Variants in ZDHHC16 observed in about 807,000 individuals in gnomAD.
ZDHHC16 encodes zDHHC palmitoyltransferase 16, also known as palmitoyltransferase ZDHHC16.
ZDHHC16 carries 33 observed loss-of-function variants against 54.4 expected under a neutral mutation model. The ratio of observed to expected loss-of-function variants is 0.61; its 90% CI spans 0.46 to 0.81. ZDHHC16 has a LOEUF of 0.81. ZDHHC16 is among the 30% of genes least tolerant of loss of function. The probability of loss-of-function intolerance (pLI) is 0.00; values close to 1 mark genes in which losing one functional copy is unlikely to be tolerated. For synonymous variants in ZDHHC16, 185 were observed against 182.1 expected (o/e 1.02, Z -0.13); for missense variants, 420 against 485.9 (o/e 0.86, Z 1.28).
intron 1 of ZDHHC16, among the ~76,000 whole-genome samples, chr10:97,447,331 A>G (rs1035572348): frequency 1.3e-5 from 2 of 152,096 alleles, no homozygotes; most frequent in African/African-American, 4.8e-5. Flanking sequence ...AGTTCACCTG[A>G]CTTCTGATGG....
In ZDHHC16 at chr10:97,451,507, C is replaced by G. The variant is rs187968078; in HGVS notation, c.-5-164C>G. ...GTTGGAACATTGGCACTGGTCAGTCCGTAGAAAAGTGAAGTAACCTTCCTA... is the reference window on the plus strand; with the variant it reads ...GTTGGAACATTGGCACTGGTCAGTCGGTAGAAAAGTGAAGTAACCTTCCTA... On this transcript the variant is annotated intron_variant, in intron 2 of 11. Transcript: ENST00000393760. Among the ~76,000 whole-genome samples the G allele has an allele frequency of 9.0e-4, 137 of 152,328 alleles. 1 individual carries two copies. Among genetic ancestry groups the G allele is most frequent in the African/African-American group, 3.2e-3 (133 of 41,572 alleles).
intron 8 of ZDHHC16, 73 bp from the exon 9 acceptor site, chr10:97,454,641 C>A: frequency 2.3e-6 from 3 of 1,328,736 alleles, no homozygotes; most frequent in South Asian, 1.2e-5. Context: ...TCATTTCCTG[C>A]CTATAGGTGC....
At chr10:97,448,767 C>CA (rs1248748931) in intron 1 of ZDHHC16, among the ~76,000 whole-genome samples, 1 of 151,690 alleles carries the variant, frequency 6.6e-6, no homozygotes, top group African/African-American at 2.4e-5. Context: ...CAAAAACAAA[C>CA]AAAAAAAGTG....
chr10:97,452,960 T>G, intron 6 of ZDHHC16, 37 bp downstream of exon 6: 1 of 1,614,120 alleles, frequency 6.2e-7, no homozygotes, highest in Non-Finnish European at 8.5e-7. Flanking sequence ...GAGGCCTTCT[T>G]TAGCTCCAGA....
chr10:97,456,936 A>C lies in ZDHHC16; in HGVS notation c.*45A>C, dbSNP rs1391166449. On this transcript the variant is annotated 3_prime_UTR_variant, in exon 12 of 12. Coordinates refer to ENST00000393760, the MANE Select transcript of ZDHHC16 (RefSeq NM_198046.3). ...GACTCGAGCACTCATTCTGCTCCCT[A>C]TGTTATTTCAAGGGCCTCCAAGGGC... The C allele has an allele frequency of 6.8e-7, 1 of 1,462,592 alleles. No individual in the cohort carries two copies. The highest frequency in any genetic ancestry group is 1.4e-5 in the African/African-American group (1 of 71,408). 90.6% of individuals were successfully genotyped at this position (1,462,592 alleles called of 1,614,324 possible).
intron 6 of ZDHHC16, 94 bp downstream of exon 6, chr10:97,453,017 G>C (rs769471192): frequency 8.5e-6 from 13 of 1,529,318 alleles, no homozygotes; most frequent in Non-Finnish European, 1.2e-5. Context: ...ACCGTGCAGA[G>C]AACACTGGAG....
chr10:97,452,061 T>C (rs368780016), intron 3 of ZDHHC16, 29 bp from the exon 4 acceptor site: 297 of 1,613,374 alleles, frequency 1.8e-4, no homozygotes, highest in Non-Finnish European at 2.3e-4. Context: ...TCTTGCGCCA[T>C]GTCTCCCTGA....
intron 11 of ZDHHC16, 76 bp downstream of exon 11, chr10:97,456,120 T>C (rs1847160836): frequency 1.4e-6 from 2 of 1,462,692 alleles, no homozygotes; most frequent in Admixed American, 3.4e-5. Context: ...CTGTGAGCAC[T>C]TGGAATATGG....
intron 1 of ZDHHC16, among the ~76,000 whole-genome samples, chr10:97,450,102 A>AC (rs1401270957): frequency 6.8e-6 from 1 of 147,658 alleles, no homozygotes; most frequent in African/African-American, 2.5e-5. Context: ...CGATCTCCTG[A>AC]CCTCATGATC....
chr10:97,453,953 G>C, intron 8 of ZDHHC16, 107 bp downstream of exon 8: 1 of 1,466,994 alleles, frequency 6.8e-7, no homozygotes, highest in South Asian at 1.2e-5. Flanking sequence ...GCTGCCGAGA[G>C]GCCACTCTAG....
chr10:97,454,704 C>CT lies in ZDHHC16; in HGVS notation c.739-5dup. The CT allele has an allele frequency of 6.2e-7, 1 of 1,613,992 alleles. No homozygotes were observed. The highest frequency in any genetic ancestry group is 8.5e-7 in the Non-Finnish European group (1 of 1,179,908). ...GCAAATGAGCCAGCTTTGCTGTTTT[C>CT]TTTTTCTAGACTTATCACCAGACCC... is the stretch of plus-strand genomic sequence containing the variant. On this transcript the variant is annotated splice_polypyrimidine_tract_variant and intron_variant, in intron 8 of 11. Transcript: ENST00000393760.
Position 97,453,549 on chromosome 10 carries a change from G to A in ZDHHC16, c.576G>A (p.Val192=), listed in dbSNP as rs765959297. The A allele has an allele frequency of 1.2e-6, 2 of 1,614,104 alleles. No individual in the cohort carries two copies. The highest frequency in any genetic ancestry group is 2.2e-5 in the South Asian group (2 of 91,080). ...AACCAGCCTGGCTAAACAATTGTGTGGGCCACTATAACCATCGGTACTTCT... is the reference window on the plus strand; with the variant it reads ...AACCAGCCTGGCTAAACAATTGTGTAGGCCACTATAACCATCGGTACTTCT... ...DHHCPWLNNC[V]GHYNHRYFFS... The change falls in exon 7 of 12, where the codon GTG becomes GTA. Residue 192 remains valine, a synonymous_variant. Transcript: ENST00000393760.
Position 97,453,570 on chromosome 10 carries a change from C to T in ZDHHC16, c.597C>T (p.Tyr199=). 6.2e-7 allele frequency: 1 copy of T among 1,614,158 alleles called. No homozygotes were observed. The highest frequency in any genetic ancestry group is 2.2e-5 in the East Asian group (1 of 44,886). The change falls in exon 7 of 12, where the codon TAC becomes TAT. Residue 199 remains tyrosine, a synonymous_variant. Coordinates refer to ENST00000393760, the MANE Select transcript of ZDHHC16 (RefSeq NM_198046.3). ...GTGTGGGCCACTATAACCATCGGTA[C>T]TTCTTCTCTTTCTGCTTTTTCATGA... The part of the protein sequence containing the change: ...NNCVGHYNHR[Y]FFSFCFFMTL...
In ZDHHC16 at chr10:97,455,834, C is replaced by G. The variant is rs1847123997; in HGVS notation, c.948+51C>G. 1.9e-6 allele frequency: 3 copies of G among 1,604,592 alleles called. No individual in the cohort carries two copies. In the African/African-American group the frequency reaches 4.0e-5, roughly 21 times the overall value. ...GGGTAGGTGGGTAACTGAACTTGCT[C>G]TCCTGTAAACAGAGGCCATGGGCAG... On this transcript the variant is annotated intron_variant, in intron 10 of 11. Coordinates refer to ENST00000393760, the MANE Select transcript of ZDHHC16 (RefSeq NM_198046.3).
chr10:97,447,340 G>A (rs1813222736), intron 1 of ZDHHC16, among the ~76,000 whole-genome samples: 1 of 152,160 alleles, frequency 6.6e-6, no homozygotes, highest in African/African-American at 2.4e-5. Flanking sequence ...GACTTCTGAT[G>A]GCTTTGCCGT....
At position 97,452,149 on chromosome 10, in the gene ZDHHC16, T is replaced by C. The variant is rs1846698920; in HGVS notation, c.303T>C (p.Cys101=). 6.2e-7 allele frequency: 1 copy of C among 1,614,142 alleles called. No individual in the cohort carries two copies. Among genetic ancestry groups the C allele is most frequent in the Non-Finnish European group, 8.5e-7 (1 of 1,180,042 alleles). Residue 101 remains cysteine (C), a synonymous_variant, in exon 4 of 12, where the codon TGT becomes TGC. Coordinates refer to ENST00000393760, the MANE Select transcript of ZDHHC16 (RefSeq NM_198046.3). ...CCATTGTAGCTATCGCCTACCTGTG[T>C]GTCCTGCCTCTCATCCTCCGAACCT... ...TGSIVAIAYL[C]VLPLILRTYS... is the part of the protein sequence containing the mutation.
In ZDHHC16 at chr10:97,456,872, C is replaced by T. The variant is rs1847322101; in HGVS notation, c.1115C>T (p.Ala372Val). 1.9e-6 allele frequency: 3 copies of T among 1,612,044 alleles called. No homozygotes were observed. Among genetic ancestry groups the T allele is most frequent in the African/African-American group, 1.3e-5 (1 of 74,872 alleles). The change falls in exon 12 of 12, where the codon GCC (alanine) becomes GTC (valine). Residue 372 changes from alanine to valine, a missense_variant. Transcript: ENST00000393760. ...EPPPWVTAHS[A>V]SVMAV ...CCTCCCTGGGTGACTGCTCACTCAG[C>T]CTCTGTGATGGCAGTGTGAGCTGGA...
intron 1 of ZDHHC16, among the ~76,000 whole-genome samples, chr10:97,448,748 A>T (rs1564798008): frequency 6.6e-6 from 1 of 152,212 alleles, no homozygotes; most frequent in Non-Finnish European, 1.5e-5. Context: ...ACAGAGCGAG[A>T]CTTCATCTCA....
intron 1 of ZDHHC16, among the ~76,000 whole-genome samples, chr10:97,449,882 T>TTTTTTTTTTTTTTTTTTTTTTTA: frequency 7.1e-6 from 1 of 140,864 alleles, no homozygotes; most frequent in African/African-American, 2.8e-5. Flanking sequence ...TTTTTTTTTT[T>TTTTTTTTTTTTTTTTTTTTTTTA]GAGACGGAGT....
Sources: gnomAD v4.1 joint callset for allele counts (sites outside exome capture counted in the v4.1 genomes callset) on GRCh38, gnomAD v4.1.1 for gene constraint, MANE v1.5 for transcripts, NCBI Gene and HGNC (gene_info 2026-07-23, HGNC 2026-07-21) for gene names.